The following CAPN6 variants were observed in gnomAD, a reference collection of about 807,000 sequenced individuals.
CAPN6 encodes the protein calpain-6.
CAPN6 carries 16 observed loss-of-function variants against 46.0 expected under a neutral mutation model. The observed-to-expected ratio is 0.35, with a 90% CI of 0.24 to 0.53. CAPN6 has a LOEUF of 0.53. Ranked by LOEUF, CAPN6 falls within the 20% of genes least tolerant of loss-of-function variation. The probability of loss-of-function intolerance (pLI) is 0.94; values close to 1 mark genes in which losing one functional copy is unlikely to be tolerated. For synonymous variants in CAPN6, 206 were observed against 172.8 expected, an observed-to-expected ratio of 1.19 and a Z score of -1.51; for missense variants, 461 against 498.0, an observed-to-expected ratio of 0.93 and a Z score of 0.71.
At chrX:111,256,167 G>A (rs186381254) in intron 2 of CAPN6, among the ~76,000 whole-genome samples, 1 of 111,785 alleles carries the variant, frequency 8.9e-6, no homozygotes, top group Admixed American at 9.4e-5. Context: ...GGGAGGCCGA[G>A]GCAGGTGGAT....
rs746098275 is a variant in CAPN6, at chrX:111,254,358, G to T, written c.211C>A (p.His71Asn). ...CCCAGTCTCCCTTGGGTCAGCTGGT[G>T]GTTGCTAATGTTGCCCACAATCAGA... ...PHLIVGNISN[H>N]QLTQGRLGHK... Residue 71 changes from histidine to asparagine, a missense_variant, in exon 3 of 13, where the codon CAC (histidine) becomes AAC (asparagine). Transcript: ENST00000324068. 4 of 1,207,992 alleles carry T rather than the reference G, an allele frequency of 3.3e-6. No individual in the cohort carries two copies. In the African/African-American group the frequency reaches 7.0e-5, roughly 21 times the overall value.
At chrX:111,254,189 G>A in intron 3 of CAPN6, 83 bp downstream of exon 3, 5 of 1,068,153 alleles carry the variant, frequency 4.7e-6, no homozygotes, top group Non-Finnish European at 5.0e-6. Context: ...ATCTAAGGAA[G>A]TTATGCGCTG....
In CAPN6 at chrX:111,247,414, T is replaced by G. The variant is rs757445831; in HGVS notation, c.1697A>C (p.Gln566Pro). ...AGTGGTCCTTCTGTAGAAAATGGCC[T>G]GGGTGTCAAAAATGGCATGAACTGT... ...KNTVHAIFDT[Q>P]AIFYRRTTDI... The change falls in exon 12 of 13, where the codon CAG (glutamine) becomes CCG (proline). Residue 566 changes from glutamine (Q) to proline (P), a missense_variant. Physicochemically the swap from Gln to Pro is moderately conservative, Grantham distance 76 (BLOSUM62 -1). Transcript: ENST00000324068. 8.3e-7 allele frequency: 1 copy of G among 1,208,894 alleles called. No individual in the cohort carries two copies. Among genetic ancestry groups the G allele is most frequent in the South Asian group, 1.8e-5 (1 of 56,754 alleles).
At chrX:111,261,968 T>G (rs1479544941) in intron 2 of CAPN6, among the ~76,000 whole-genome samples, 3 of 111,749 alleles carry the variant, frequency 2.7e-5, no homozygotes, top group Non-Finnish European at 3.8e-5. Flanking sequence ...TTTAGCTACT[T>G]TTGCCCTATT....
intron 1 of CAPN6, among the ~76,000 whole-genome samples, chrX:111,269,838 T>A (rs1051284043): frequency 8.9e-6 from 1 of 111,994 alleles, no homozygotes. Flanking sequence ...GGCCACCACT[T>A]CCTCCTGTAC....
chrX:111,249,723 A>G (rs1184667491), intron 8 of CAPN6, among the ~76,000 whole-genome samples: 1 of 110,602 alleles, frequency 9.0e-6, no homozygotes, highest in Non-Finnish European at 1.9e-5. Context: ...AGGCTAAGGC[A>G]GAAGGATCCC....
chrX:111,261,054 G>A (rs16986464), intron 2 of CAPN6, among the ~76,000 whole-genome samples: 5,303 of 112,076 alleles, frequency 0.047, 188 homozygotes, highest in African/African-American at 0.11. Flanking sequence ...AAACGGGAGA[G>A]TGTGGAACAA....
chrX:111,246,457 GA>G lies in CAPN6; in HGVS notation c.*119del, dbSNP rs895154714. On this transcript the variant is annotated 3_prime_UTR_variant, in exon 13 of 13. Coordinates refer to ENST00000324068, the MANE Select transcript of CAPN6 (RefSeq NM_014289.4). ...GTATGGGGAATTTATCAGAAGAGAG[GA>G]AGAGTTAATTATTGTGAATCTCATT... is the stretch of plus-strand genomic sequence containing the variant. 9 of 609,784 alleles carry G rather than the reference GA, an allele frequency of 1.5e-5. No individual in the cohort carries two copies. The highest frequency in any genetic ancestry group is 2.3e-5 in the Non-Finnish European group (9 of 386,144). The allele number at this position is 609,784 out of a possible 1,213,427, so 50.3% of individuals were successfully genotyped here.
At chrX:111,267,949 G>A in intron 1 of CAPN6, among the ~76,000 whole-genome samples, 1 of 112,408 alleles carries the variant, frequency 8.9e-6, no homozygotes, top group African/African-American at 3.2e-5. Flanking sequence ...TGAGAGAAAA[G>A]GGACTTGGAT....
Position 111,248,007 on chromosome X carries a change from A to G in CAPN6, c.1485-15T>C. 8.3e-7 allele frequency: 1 copy of G among 1,200,577 alleles called. No homozygotes were observed. ...GAGTCAGTTCCCTAGAACATCAAAA[A>G]TAAAATATTGTCATCATATGATAAA... On this transcript the variant is annotated splice_polypyrimidine_tract_variant and intron_variant, in intron 10 of 12. Transcript: ENST00000324068.
chrX:111,247,719 T>C, intron 11 of CAPN6, 152 bp downstream of exon 11: 2 of 689,231 alleles, frequency 2.9e-6, no homozygotes, highest in Non-Finnish European at 4.3e-6. Flanking sequence ...TTGCTTGAAG[T>C]TGACATCCCA....
chrX:111,248,779 T>C lies in CAPN6; in HGVS notation c.1282-8A>G. ...TTTGCGGTTCATCTCCACCTGGAAA[T>C]GAAATAGGGTAAAATATTCAATTCC... On this transcript the variant is annotated splice_polypyrimidine_tract_variant and splice_region_variant and intron_variant, in intron 9 of 12. Coordinates refer to ENST00000324068, the MANE Select transcript of CAPN6 (RefSeq NM_014289.4). 2 of 1,205,847 alleles carry C rather than the reference T, an allele frequency of 1.7e-6. No homozygotes were observed. Among genetic ancestry groups the C allele is most frequent in the African/African-American group, 1.7e-5 (1 of 57,568 alleles).
Position 111,251,080 on chromosome X carries a change from C to A in CAPN6, c.995G>T (p.Arg332Leu), listed in dbSNP as rs780015974. 8.3e-7 allele frequency: 1 copy of A among 1,210,446 alleles called. No individual in the cohort carries two copies. The highest frequency in any genetic ancestry group is 1.1e-6 in the Non-Finnish European group (1 of 895,188). The change falls in exon 8 of 13, where the codon CGC (arginine) becomes CTC (leucine). Residue 332 changes from arginine to leucine, a missense_variant. Coordinates refer to ENST00000324068, the MANE Select transcript of CAPN6 (RefSeq NM_014289.4). ...GCAGACATTCAGTTTGTGAAAGTTG[C>A]GGCAAAAGTCCTCCAAGCTCATCCT... ...EFWMSLEDFC[R>L]NFHKLNVCRN...
Position 111,247,417 on chromosome X carries a change from G to A in CAPN6, c.1694C>T (p.Thr565Ile), listed in dbSNP as rs1164979755. 5 of 1,205,542 alleles carry A rather than the reference G, an allele frequency of 4.1e-6. No homozygotes were observed. Among genetic ancestry groups the A allele is most frequent in the South Asian group, 1.8e-5 (1 of 56,442 alleles). ...QKNTVHAIFD[T>I]QAIFYRRTTD... Reference sequence around the variant, plus strand: ...GGTCCTTCTGTAGAAAATGGCCTGGGTGTCAAAAATGGCATGAACTGTATT... The same window carrying A: ...GGTCCTTCTGTAGAAAATGGCCTGGATGTCAAAAATGGCATGAACTGTATT... Residue 565 changes from threonine to isoleucine, a missense_variant, in exon 12 of 13, where the codon ACC (threonine) becomes ATC (isoleucine). Physicochemically the swap from Thr to Ile is moderately conservative, Grantham distance 89 (BLOSUM62 -1). Transcript: ENST00000324068.
Position 111,246,504 on chromosome X carries a change from T to G in CAPN6, c.*73A>C. ...TCATTCTTTCTAAAGATTGTGAATCTTAACTAAGACCTGGCACCTGACGGA... is the reference window on the plus strand; with the variant it reads ...TCATTCTTTCTAAAGATTGTGAATCGTAACTAAGACCTGGCACCTGACGGA... On this transcript the variant is annotated 3_prime_UTR_variant, in exon 13 of 13. Transcript: ENST00000324068. 2 of 870,806 alleles carry G rather than the reference T, an allele frequency of 2.3e-6. No homozygotes were observed. The highest frequency in any genetic ancestry group is 3.3e-6 in the Non-Finnish European group (2 of 606,337). The allele number at this position is 870,806 out of a possible 1,213,427, so 71.8% of individuals were successfully genotyped here.
chrX:111,250,869 TC>T (rs1381308415), intron 8 of CAPN6, 47 bp downstream of exon 8: 1 of 1,094,343 alleles, frequency 9.1e-7, no homozygotes, highest in African/African-American at 1.8e-5. Flanking sequence ...AGATCTGAGT[TC>T]CTATTGACTG....
chrX:111,248,111 C>T, intron 10 of CAPN6, 119 bp from the exon 11 acceptor site: 7 of 667,726 alleles, frequency 1.0e-5, no homozygotes, highest in Non-Finnish European at 1.2e-5. Context: ...TAGCCCATTC[C>T]TCCTCAGATA....
At chrX:111,253,560 A>G (rs1462043489) in intron 3 of CAPN6, among the ~76,000 whole-genome samples, 2 of 112,695 alleles carry the variant, frequency 1.8e-5, no homozygotes, top group African/African-American at 6.4e-5. Context: ...GCATGTTTAA[A>G]ATGCAAGGCA....
rs755651276 is a variant in CAPN6 at position 111,254,287 on chromosome X, C to A, written c.282G>T (p.Glu94Asp). ...VSAFSCLAVQ[E>D]SHWTKTIPNH... ...GGGATAATACCTTTGTCCAATGAGACTCCTGAACAGCCAAACAGGAAAATG... is the reference window on the plus strand; with the variant it reads ...GGGATAATACCTTTGTCCAATGAGAATCCTGAACAGCCAAACAGGAAAATG... The change falls in exon 3 of 13, where the codon GAG becomes GAT. Residue 94 changes from glutamate (E) to aspartate (D), a missense_variant. Glu to Asp is a conservative substitution (Grantham distance 45, BLOSUM62 2). Transcript: ENST00000324068. The A allele has an allele frequency of 8.3e-7, 1 of 1,208,183 alleles. No individual in the cohort carries two copies. Among genetic ancestry groups the A allele is most frequent in the South Asian group, 1.8e-5 (1 of 56,519 alleles).
Sources: allele counts gnomAD v4.1 joint callset (sites outside exome capture counted in the v4.1 genomes callset), GRCh38; gene constraint gnomAD v4.1.1; transcripts MANE v1.5; gene names NCBI Gene and HGNC (gene_info 2026-07-23, HGNC 2026-07-21).